Variants in FIGNL2 observed in about 807,000 individuals in gnomAD.
FIGNL2 encodes the protein fidgetin like 2, also known as fidgetin-like protein 2.
For synonymous variants in FIGNL2, 565 were observed against 484.0 expected, an observed-to-expected ratio of 1.17 and a Z score of -2.20; for missense variants, 1,060 against 950.2, an observed-to-expected ratio of 1.12 and a Z score of -1.52.
chr12:51,830,742 TGG>T (rs1488554483), intron 1 of FIGNL2, among the ~76,000 whole-genome samples: 2 of 151,998 alleles, frequency 1.3e-5, no homozygotes. Context: ...TCGCCCGCCT[TGG>T]CCTCCTAAAG....
intron 1 of FIGNL2, among the ~76,000 whole-genome samples, chr12:51,843,383 A>AC (rs1491329510): frequency 2.7e-4 from 1 of 3,746 alleles, no homozygotes; most frequent in Admixed American, 2.7e-3. Context: ...CTAAAAATAC[A>AC]AAAAAAAAAA....
At chr12:51,831,275 T>C (rs978194835) in intron 1 of FIGNL2, among the ~76,000 whole-genome samples, 16 of 150,514 alleles carry the variant, frequency 1.1e-4, no homozygotes, top group Non-Finnish European at 2.4e-4. Context: ...CGCTAGGGAG[T>C]CAGGAATTCA....
At chr12:51,826,327 C>G (rs568829570) in intron 1 of FIGNL2, among the ~76,000 whole-genome samples, 1 of 152,188 alleles carries the variant, frequency 6.6e-6, no homozygotes, top group South Asian at 2.1e-4. Context: ...ACTAGAGATC[C>G]TTTCAATAAT....
intron 1 of FIGNL2, among the ~76,000 whole-genome samples, chr12:51,829,304 T>C (rs186719670): frequency 6.6e-6 from 1 of 152,356 alleles, no homozygotes; most frequent in African/African-American, 2.4e-5. Context: ...AGGGGGTCTC[T>C]GGCTGCCTGG....
chr12:51,847,183 TTAGGAGGATGCTA>T (rs941449820), intron 1 of FIGNL2: 1 of 985,074 alleles, frequency 1.0e-6, no homozygotes, highest in African/African-American at 1.7e-5. Context: ...CGGGGAGGCT[TTAGGAGGATGCTA>T]TGGGATTTCG....
intron 1 of FIGNL2, among the ~76,000 whole-genome samples, chr12:51,837,433 C>G (rs1029535846): frequency 3.9e-5 from 6 of 152,136 alleles, no homozygotes; most frequent in Admixed American, 3.9e-4. Flanking sequence ...GCCGGTACCC[C>G]CTGTGACCTG....
intron 1 of FIGNL2, 42 bp from the exon 2 acceptor site, chr12:51,822,466 G>A: frequency 5.0e-6 from 8 of 1,604,406 alleles, no homozygotes; most frequent in Non-Finnish European, 6.0e-6. Context: ...TCTAGCCACC[G>A]AGGACCCAGT....
chr12:51,843,031 C>G (rs982385333), intron 1 of FIGNL2, among the ~76,000 whole-genome samples: 9 of 152,152 alleles, frequency 5.9e-5, no homozygotes, highest in Non-Finnish European at 1.0e-4. Context: ...CTGGGGCCAC[C>G]CTTGGGCTCT....
At position 51,845,464 on chromosome 12, in the gene FIGNL2, C is replaced by CA. The variant is rs1939733590; in HGVS notation, c.-12+3075_-12+3076insT. ...CTTGACCTCTTGTGGCTCACCGCCCCCCCCCCACAGTCTCTGTCCCCTGAA... is the reference window on the plus strand; with the variant it reads ...CTTGACCTCTTGTGGCTCACCGCCCCACCCCCCACAGTCTCTGTCCCCTGAA... On this transcript the variant is annotated intron_variant, in intron 1 of 1. Coordinates refer to ENST00000618634, the MANE Select transcript of FIGNL2 (RefSeq NM_001384995.1). 6.1e-6 allele frequency: 6 copies of CA among 984,588 alleles called. No homozygotes were observed. In the South Asian group the frequency reaches 1.9e-4, roughly 31 times the overall value. The allele number at this position is 984,588 out of a possible 1,614,324, so 61.0% of individuals were successfully genotyped here.
Position 51,821,475 on chromosome 12 carries a change from C to T in FIGNL2, c.939G>A (p.Pro313=). ...CCGACGCCTCCTCCGCGGCTCCTGG[C>T]GGCTTGGCCCGGAACCCGTTGCCCC... The part of the protein sequence containing the change: ...ECRGNGFRAK[P]PGAAEEASGK... The change falls in exon 2 of 2, where the codon CCG becomes CCA. Residue 313 remains proline, a synonymous_variant. Transcript: ENST00000618634. 6.5e-7 allele frequency: 1 copy of T among 1,546,954 alleles called. No homozygotes were observed. The highest frequency in any genetic ancestry group is 8.7e-7 in the Non-Finnish European group (1 of 1,151,988).
intron 1 of FIGNL2, among the ~76,000 whole-genome samples, chr12:51,843,294 T>C (rs942169379): frequency 7.3e-5 from 11 of 151,616 alleles, no homozygotes; most frequent in African/African-American, 2.4e-4. Context: ...CCCAACACTT[T>C]GGGAGGCTGA....
intron 1 of FIGNL2, chr12:51,847,881 T>C (rs950576259): frequency 2.1e-6 from 2 of 961,512 alleles, no homozygotes; most frequent in Non-Finnish European, 1.2e-6. Flanking sequence ...CCTTGTTGCC[T>C]GTAGCCCCAG....
Position 51,848,626 on chromosome 12 carries a change from G to A in FIGNL2, c.-98C>T, listed in dbSNP as rs1384059337. The A allele has an allele frequency of 6.4e-6, 5 of 778,024 alleles. No homozygotes were observed. The highest frequency in any genetic ancestry group is 5.7e-5 in the African/African-American group (3 of 52,920). 48.2% of individuals were successfully genotyped at this position (778,024 alleles called of 1,614,324 possible). ...GACCGGGGCGGCGGCGCGGGCCGGGGGCGACAGGCCTGGGCTGGGGGGCAG... is the reference window on the plus strand; with the variant it reads ...GACCGGGGCGGCGGCGCGGGCCGGGAGCGACAGGCCTGGGCTGGGGGGCAG... On this transcript the variant is annotated 5_prime_UTR_variant, in exon 1 of 2. Transcript: ENST00000618634.
intron 1 of FIGNL2, among the ~76,000 whole-genome samples, chr12:51,838,894 G>A (rs1028951097): frequency 1.6e-4 from 25 of 152,266 alleles, no homozygotes; most frequent in African/African-American, 5.5e-4. Context: ...GCAGGAATGA[G>A]TTCCCTGTCC....
At chr12:51,834,112 G>GATGGATGGATGA (rs2138992012) in intron 1 of FIGNL2, among the ~76,000 whole-genome samples, 1 of 146,570 alleles carries the variant, frequency 6.8e-6, no homozygotes. Flanking sequence ...TGGATGGTTG[G>GATGGATGGATGA]ATGGATGGAT....
At chr12:51,822,938 G>A (rs891903926) in intron 1 of FIGNL2, among the ~76,000 whole-genome samples, 1 of 152,242 alleles carries the variant, frequency 6.6e-6, no homozygotes, top group Non-Finnish European at 1.5e-5. Flanking sequence ...TGACCCAGAA[G>A]TTTGTTATTC....
Position 51,821,276 on chromosome 12 carries a change from T to C in FIGNL2, c.1138A>G (p.Ser380Gly). 2 of 1,524,440 alleles carry C rather than the reference T, an allele frequency of 1.3e-6. No individual in the cohort carries two copies. Among genetic ancestry groups the C allele is most frequent in the Non-Finnish European group, 1.8e-6 (2 of 1,141,706 alleles). The allele number at this position is 1,524,440 out of a possible 1,614,324, so 94.4% of individuals were successfully genotyped here. ...VDPGALELVT[S>G]KMVDCGPPVQ... ...GGGGGCCCGCAGTCCACCATCTTGC[T>C]CGTCACCAGCTCCAGGGCCCCAGGG... Residue 380 changes from serine (S) to glycine (G), a missense_variant, in exon 2 of 2, where the codon AGC becomes GGC. Coordinates refer to ENST00000618634, the MANE Select transcript of FIGNL2 (RefSeq NM_001384995.1).
intron 1 of FIGNL2, among the ~76,000 whole-genome samples, chr12:51,825,586 C>A (rs1306875837): frequency 6.6e-6 from 1 of 152,088 alleles, no homozygotes; most frequent in East Asian, 1.9e-4. Context: ...GACCCTCTCG[C>A]CCTTCCAGAG....
chr12:51,847,517 G>A (rs1163611462), intron 1 of FIGNL2: 1 of 985,356 alleles, frequency 1.0e-6, no homozygotes, highest in Non-Finnish European at 1.2e-6. Context: ...CAGCCTGACA[G>A]CCCTACGGCC....
Sources: gnomAD v4.1 joint callset for allele counts (sites outside exome capture counted in the v4.1 genomes callset) on GRCh38, gnomAD v4.1.1 for gene constraint, MANE v1.5 for transcripts, NCBI Gene and HGNC (gene_info 2026-07-23, HGNC 2026-07-21) for gene names.